Variants in TCTN1 observed in about 807,000 individuals in gnomAD.
The protein encoded by TCTN1 is tectonic family member 1, also known as tectonic-1.
Under a neutral mutation model 65.8 loss-of-function variants are expected in TCTN1, and 58 were observed. That is an observed-to-expected ratio of 0.88 (90% CI 0.71 to 1.10). TCTN1 has a LOEUF of 1.10. Ranked by LOEUF, TCTN1 falls within the 50% of genes least tolerant of loss-of-function variation. The pLI is 0.00. For missense variants in TCTN1, 645 were observed against 719.4 expected (o/e 0.90, Z 1.18); for synonymous variants, 273 against 289.1 (o/e 0.94, Z 0.57).
intron 2 of TCTN1, among the ~76,000 whole-genome samples, chr12:110,623,128 A>AATG (rs1305373305): frequency 2.0e-5 from 3 of 152,104 alleles, no homozygotes; most frequent in African/African-American, 7.2e-5. Context: ...CACTCACTAA[A>AATG]AGACCTTCAG....
At chr12:110,628,233 T>C in intron 3 of TCTN1, 1 of 1,535,580 alleles carries the variant, frequency 6.5e-7, no homozygotes, top group Non-Finnish European at 8.7e-7. Context: ...TTGTAAGTGC[T>C]ACAAACTATT....
Position 110,647,512 on chromosome 12 carries a change from A to G in TCTN1, c.1635+176A>G, listed in dbSNP as rs557088449. The G allele has an allele frequency of 6.9e-6, 7 of 1,008,854 alleles. No homozygotes were observed. In the South Asian group the frequency reaches 1.0e-4, roughly 15 times the overall value. The allele number at this position is 1,008,854 out of a possible 1,614,324, so 62.5% of individuals were successfully genotyped here. ...TGACGATGGTTCTACTTACATTAGC[A>G]TTCTGGTTCAGATTGGATCTTTAAA... On this transcript the variant is annotated intron_variant, in intron 13 of 14. Coordinates refer to ENST00000397659, the MANE Select transcript of TCTN1 (RefSeq NM_001082538.3).
intron 10 of TCTN1, 39 bp downstream of exon 10, chr12:110,641,666 C>T (rs1156786233): frequency 1.9e-6 from 3 of 1,583,032 alleles, no homozygotes; most frequent in African/African-American, 1.3e-5. Flanking sequence ...ATTTATTTCT[C>T]TCTCCATGTG....
rs145478892 is a variant in TCTN1 at position 110,619,913 on chromosome 12, G to A, written c.298G>A (p.Val100Met). The change falls in exon 2 of 15, where the codon GTG becomes ATG. Residue 100 changes from valine to methionine, a missense_variant. By Grantham distance (21) the Val-to-Met change is conservative (BLOSUM62 1). Transcript: ENST00000397659. ...NCCCDPDCSS[V>M]DFSVFSACSV... Reference sequence around the variant, plus strand: ...CTGCTGTGATCCCGACTGCAGCTCCGTGGATTTCAGTGTCTTTTCTGCCTG... The same window carrying A: ...CTGCTGTGATCCCGACTGCAGCTCCATGGATTTCAGTGTCTTTTCTGCCTG... 240 of 1,614,070 alleles carry A rather than the reference G, an allele frequency of 1.5e-4. No individual in the cohort carries two copies. The African/African-American group carries it at 2.6e-3, about 17-fold the overall frequency.
Position 110,646,777 on chromosome 12 carries a change from T to C in TCTN1, c.1495-419T>C, listed in dbSNP as rs550634296. On this transcript the variant is annotated intron_variant, in intron 12 of 14. Transcript: ENST00000397659. ...ACTTAAATTTCCCCTTAGAGCATTT[T>C]AACATGACATGCAATCAGGTTTTGT... The C allele has an allele frequency of 1.6e-3, 389 of 237,866 alleles. 2 individuals are homozygous for C. The highest frequency in any genetic ancestry group is 2.7e-3 in the South Asian group (52 of 19,242). The allele number at this position is 237,866 out of a possible 1,614,324, so 14.7% of individuals were successfully genotyped here.
chr12:110,622,091 C>T (rs1241204489), intron 2 of TCTN1, among the ~76,000 whole-genome samples: 3 of 151,460 alleles, frequency 2.0e-5, no homozygotes, highest in East Asian at 2.0e-4. Flanking sequence ...GAGCCAAGAT[C>T]GCACCATTGC....
In TCTN1 at chr12:110,626,458, T is replaced by G. The variant is rs370390020; in HGVS notation, c.438T>G (p.Ile146Met). 8 of 1,612,698 alleles carry G rather than the reference T, an allele frequency of 5.0e-6. No individual in the cohort carries two copies. The African/African-American group carries it at 1.1e-4, about 21-fold the overall frequency. The change falls in exon 3 of 15, where the codon ATT becomes ATG. Residue 146 changes from isoleucine to methionine, a missense_variant. Physicochemically the swap from Ile to Met is conservative, Grantham distance 10. Coordinates refer to ENST00000397659, the MANE Select transcript of TCTN1 (RefSeq NM_001082538.3). Reference sequence around the variant, plus strand: ...GAGTATTTGAACTTGTTGACCAGATTAATCCATCTATTTTCTGCATTCATA... The same window carrying G: ...GAGTATTTGAACTTGTTGACCAGATGAATCCATCTATTTTCTGCATTCATA... Reference protein sequence around the residue: ...PQRVFELVDQINPSIFCIHIT... With the variant: ...PQRVFELVDQMNPSIFCIHIT...
chr12:110,616,888 C>G (rs1365895235), intron 1 of TCTN1: 1 of 152,164 alleles, frequency 6.6e-6, no homozygotes, highest in Non-Finnish European at 1.5e-5. Context: ...TCATTAGTAC[C>G]CTGCTCTACA....
chr12:110,640,748 G>A lies in TCTN1; in HGVS notation c.978+231G>A, dbSNP rs2066901509. Reference sequence around the variant, plus strand: ...AAATATTTTTGTTGTTGCTGTTTTTGTTTTAACATGTTTCCTCTGCAGAGA... The same window carrying A: ...AAATATTTTTGTTGTTGCTGTTTTTATTTTAACATGTTTCCTCTGCAGAGA... On this transcript the variant is annotated intron_variant, in intron 8 of 14. Coordinates refer to ENST00000397659, the MANE Select transcript of TCTN1 (RefSeq NM_001082538.3). The surrounding 1 kb of genome is among the most constrained non-coding windows in gnomAD (Gnocchi z 4.9). Among the ~76,000 whole-genome samples the A allele has an allele frequency of 1.3e-5, 2 of 152,150 alleles. No individual in the cohort carries two copies. The highest frequency in any genetic ancestry group is 1.3e-4 in the Admixed American group (2 of 15,266).
intron 2 of TCTN1, among the ~76,000 whole-genome samples, chr12:110,623,748 C>T (rs924025588): frequency 4.6e-5 from 7 of 152,000 alleles, no homozygotes; most frequent in Admixed American, 3.9e-4. Context: ...GCCAGCATGC[C>T]GGGCTAATTT....
In TCTN1 at chr12:110,647,776, C is replaced by T. The variant is rs375896348; in HGVS notation, c.1663C>T (p.Leu555Phe). ...EANSGNERTILISTAVTFVDV... is the reference protein window; with the variant it reads ...EANSGNERTIFISTAVTFVDV... ...CAACTCAGGAAATGAAAGGACGATT[C>T]TTATTTCCACTGCGGTTACTTTTGT... Residue 555 changes from leucine to phenylalanine, a missense_variant, in exon 14 of 15, where the codon CTT becomes TTT. Physicochemically the swap from Leu to Phe is conservative, Grantham distance 22. Coordinates refer to ENST00000397659, the MANE Select transcript of TCTN1 (RefSeq NM_001082538.3). 20 of 1,614,088 alleles carry T rather than the reference C, an allele frequency of 1.2e-5. No individual in the cohort carries two copies. Among genetic ancestry groups the T allele is most frequent in the African/African-American group, 5.3e-5 (4 of 74,910 alleles).
chr12:110,621,655 G>C (rs1406804641), intron 2 of TCTN1, among the ~76,000 whole-genome samples: 1 of 151,756 alleles, frequency 6.6e-6, no homozygotes, highest in Non-Finnish European at 1.5e-5. Flanking sequence ...TGTATTTTTA[G>C]TAGAGACAGG....
At position 110,632,448 on chromosome 12, in the gene TCTN1, G is replaced by T; in HGVS notation, c.625-24G>T. 4 of 1,612,224 alleles carry T rather than the reference G, an allele frequency of 2.5e-6. No homozygotes were observed. The South Asian group carries it at 3.3e-5, about 13-fold the overall frequency. ...ATGAATACTTTAATTACACCATAAC[G>T]ACTGTTGGTTGTTGTGTTTGCAGTA... On this transcript the variant is annotated intron_variant, in intron 4 of 14. Coordinates refer to ENST00000397659, the MANE Select transcript of TCTN1 (RefSeq NM_001082538.3).
chr12:110,637,869 C>T (rs1172703986), intron 7 of TCTN1, among the ~76,000 whole-genome samples: 1 of 152,140 alleles, frequency 6.6e-6, no homozygotes, highest in African/African-American at 2.4e-5. Flanking sequence ...AGGTACTGGG[C>T]ACTCAATGAG....
chr12:110,629,038 A>G, intron 4 of TCTN1, 120 bp downstream of exon 4: 2 of 1,129,304 alleles, frequency 1.8e-6, no homozygotes, highest in Non-Finnish European at 1.3e-6. Flanking sequence ...TATAGACTAA[A>G]AAACTTAATG....
At position 110,639,714 on chromosome 12, in the gene TCTN1, C is replaced by T. The variant is rs2136118753; in HGVS notation, c.844-669C>T. On this transcript the variant is annotated intron_variant, in intron 7 of 14. Coordinates refer to ENST00000397659, the MANE Select transcript of TCTN1 (RefSeq NM_001082538.3). This position sits in a 1 kb window ranked among gnomAD's most constrained non-coding sequence, Gnocchi z 4.9. ...ATAAAACTCACCATTTTAAAGTATACAATTCTGTGGTTTTTAGTATAGTCA... is the reference window on the plus strand; with the variant it reads ...ATAAAACTCACCATTTTAAAGTATATAATTCTGTGGTTTTTAGTATAGTCA... Among the ~76,000 whole-genome samples, 1 of 152,206 alleles carries T rather than the reference C, an allele frequency of 6.6e-6. No homozygotes were observed. The highest frequency in any genetic ancestry group is 2.4e-5 in the African/African-American group (1 of 41,508).
chr12:110,642,007 A>C, intron 10 of TCTN1: 1 of 594,054 alleles, frequency 1.7e-6, no homozygotes, highest in East Asian at 2.8e-5. Flanking sequence ...AAACAGATGT[A>C]GTGATTTTGA....
chr12:110,649,077 T>C lies in TCTN1; in HGVS notation c.*36T>C. 1.7e-6 allele frequency: 1 copy of C among 582,012 alleles called. No homozygotes were observed. Among genetic ancestry groups the C allele is most frequent in the Non-Finnish European group, 3.2e-6 (1 of 309,564 alleles). 36.1% of individuals were successfully genotyped at this position (582,012 alleles called of 1,614,324 possible). A position where few individuals can be genotyped will look rare whatever the true frequency, so the allele number is the denominator to read the frequency against. ...ATGCATCAGTTCCTTAATATACACG[T>C]GAAATTTGAAAACTGTACATTCGGT... On this transcript the variant is annotated 3_prime_UTR_variant, in exon 15 of 15. Coordinates refer to ENST00000397659, the MANE Select transcript of TCTN1 (RefSeq NM_001082538.3).
Position 110,626,344 on chromosome 12 carries a change from T to C in TCTN1, c.342-18T>C, listed in dbSNP as rs550052717. On this transcript the variant is annotated intron_variant, in intron 2 of 14. Transcript: ENST00000397659. ...CTTATGTCTTGTAACTTTGTATTAT[T>C]ATTTTTTTAATTTTCAGGGGCGACA... 3 of 1,552,712 alleles carry C rather than the reference T, an allele frequency of 1.9e-6. No individual in the cohort carries two copies. In the East Asian group the frequency reaches 7.3e-5, roughly 38 times the overall value.
Sources: allele counts gnomAD v4.1 joint callset (sites outside exome capture counted in the v4.1 genomes callset), GRCh38; gene constraint gnomAD v4.1.1; non-coding constraint Gnocchi (gnomAD v3.1); transcripts MANE v1.5; gene names NCBI Gene and HGNC (gene_info 2026-07-23, HGNC 2026-07-21).